The following FOCAD variants were observed in gnomAD, a reference collection of about 807,000 sequenced individuals.
FOCAD encodes focadhesin.
In FOCAD, 198 loss-of-function variants were observed where a neutral mutation model predicts 225.6. The ratio of observed to expected loss-of-function variants is 0.88; its 90% CI spans 0.78 to 0.99. The LOEUF is 0.99. FOCAD is among the 50% of genes least tolerant of loss of function. The pLI is 0.00. For missense variants in FOCAD, 2,713 were observed against 2,123.6 expected, an observed-to-expected ratio of 1.28 and a Z score of -5.46; for synonymous variants, 897 against 755.0, an observed-to-expected ratio of 1.19 and a Z score of -3.08.
At chr9:20,770,774 C>T (rs768059671) in intron 8 of FOCAD, among the ~76,000 whole-genome samples, 2 of 152,082 alleles carry the variant, frequency 1.3e-5, no homozygotes, top group African/African-American at 2.4e-5. Context: ...ATACCATTAG[C>T]GCATATTGCT....
intron 1 of FOCAD, among the ~76,000 whole-genome samples, chr9:20,702,875 C>G (rs1006459171): frequency 6.6e-6 from 1 of 152,004 alleles, no homozygotes; most frequent in African/African-American, 2.4e-5. Context: ...ATTCCAAATT[C>G]TATGTTATGC....
chr9:20,845,063 A>T (rs1014852067), intron 15 of FOCAD, among the ~76,000 whole-genome samples: 1 of 152,134 alleles, frequency 6.6e-6, no homozygotes, highest in African/African-American at 2.4e-5. Context: ...AGAGTTTATT[A>T]TGAGACTTCA....
intron 15 of FOCAD, among the ~76,000 whole-genome samples, chr9:20,840,120 C>T (rs868326731): frequency 2.5e-4 from 38 of 151,854 alleles, no homozygotes; most frequent in Admixed American, 1.2e-3. Flanking sequence ...TGTTTTTGCT[C>T]GGGATGGTTT....
chr9:20,871,150 G>C (rs907877988), intron 18 of FOCAD, among the ~76,000 whole-genome samples: 1 of 151,998 alleles, frequency 6.6e-6, no homozygotes, highest in African/African-American at 2.4e-5. Context: ...GTTGCAGTGA[G>C]CTGAGAGCAT....
chr9:20,842,710 T>TA (rs768858305), intron 15 of FOCAD, among the ~76,000 whole-genome samples: 22 of 152,026 alleles, frequency 1.4e-4, no homozygotes, highest in Non-Finnish European at 2.6e-4. Context: ...TTAGGCCACT[T>TA]ATATTCAATG....
chr9:20,923,366 G>T (rs1203507741), intron 24 of FOCAD, among the ~76,000 whole-genome samples: 3 of 152,130 alleles, frequency 2.0e-5, no homozygotes, highest in African/African-American at 4.8e-5. Flanking sequence ...GAAATGTAAT[G>T]TTAATAGATG....
At chr9:20,718,232 C>G (rs751945062) in intron 3 of FOCAD, among the ~76,000 whole-genome samples, 1 of 152,164 alleles carries the variant, frequency 6.6e-6, no homozygotes, top group Admixed American at 6.5e-5. Flanking sequence ...CAGAGTGGCT[C>G]TGTTTGGATG....
intron 1 of FOCAD, among the ~76,000 whole-genome samples, chr9:20,695,423 A>C (rs1207630885): frequency 6.6e-6 from 1 of 152,218 alleles, no homozygotes; most frequent in Non-Finnish European, 1.5e-5. Flanking sequence ...TTATTAACAA[A>C]GTAACTTCAT....
intron 41 of FOCAD, 95 bp from the exon 42 acceptor site, chr9:20,990,028 T>G: frequency 1.4e-6 from 2 of 1,454,982 alleles, no homozygotes; most frequent in Non-Finnish European, 1.9e-6. Flanking sequence ...AAGGGGAAGA[T>G]GACATTGCCT....
intron 18 of FOCAD, among the ~76,000 whole-genome samples, chr9:20,869,185 T>A (rs910763281): frequency 1.3e-5 from 2 of 152,140 alleles, no homozygotes; most frequent in Non-Finnish European, 2.9e-5. Context: ...TTCTTCTTTG[T>A]TGACAGACAT....
chr9:20,766,300 AG>A (rs1177033788), intron 7 of FOCAD, among the ~76,000 whole-genome samples: 2 of 152,246 alleles, frequency 1.3e-5, no homozygotes, highest in African/African-American at 4.8e-5. Context: ...AACTAGTGAC[AG>A]TAGCATACTT....
chr9:20,736,405 T>C (rs530551120), intron 4 of FOCAD, among the ~76,000 whole-genome samples: 1 of 152,232 alleles, frequency 6.6e-6, no homozygotes, highest in African/African-American at 2.4e-5. Context: ...TTCAAATTAC[T>C]GTAACCTCTT....
chr9:20,968,455 T>TTTG (rs398010456), intron 35 of FOCAD, among the ~76,000 whole-genome samples: 46 of 140,026 alleles, frequency 3.3e-4, no homozygotes, highest in African/African-American at 1.3e-3. Context: ...TTTTTTTTTT[T>TTTG]GGGAGAGTTA....
At chr9:20,787,063 C>A (rs952786290) in intron 10 of FOCAD, 1 of 375,036 alleles carries the variant, frequency 2.7e-6, no homozygotes, top group African/African-American at 2.1e-5. Context: ...ATTTCTCCTG[C>A]TGCTCTAACC....
chr9:20,755,093 A>T (rs1325774280), intron 5 of FOCAD, among the ~76,000 whole-genome samples: 1 of 152,188 alleles, frequency 6.6e-6, no homozygotes, highest in Admixed American at 6.5e-5. Context: ...CAACAGGAAG[A>T]TTCAGTGTTC....
intron 2 of FOCAD, among the ~76,000 whole-genome samples, chr9:20,661,730 T>C (rs2131256913): frequency 6.6e-6 from 1 of 152,362 alleles, no homozygotes; most frequent in South Asian, 2.1e-4. Flanking sequence ...GCAAGCCCTA[T>C]GGAAGTTAAT....
At chr9:20,809,042 T>C (rs1822766159) in intron 11 of FOCAD, among the ~76,000 whole-genome samples, 1 of 152,120 alleles carries the variant, frequency 6.6e-6, no homozygotes, top group African/African-American at 2.4e-5. Context: ...GTTGCACATG[T>C]TTCTTTGTAG....
intron 23 of FOCAD, among the ~76,000 whole-genome samples, chr9:20,913,451 A>G (rs976119622): frequency 6.6e-6 from 1 of 152,124 alleles, no homozygotes; most frequent in African/African-American, 2.4e-5. Flanking sequence ...ATCTAGAAAT[A>G]TATTAGTGCT....
chr9:20,910,002 T>G (rs573715250), intron 22 of FOCAD, among the ~76,000 whole-genome samples: 3 of 152,100 alleles, frequency 2.0e-5, no homozygotes, highest in Non-Finnish European at 4.4e-5. Flanking sequence ...AGATTCTCCA[T>G]TACTTCCTGG....
Sources: gnomAD v4.1 joint callset for allele counts (sites outside exome capture counted in the v4.1 genomes callset) on GRCh38, gnomAD v4.1.1 for gene constraint, MANE v1.5 for transcripts, NCBI Gene and HGNC (gene_info 2026-07-23, HGNC 2026-07-21) for gene names.